The following CRADD variants were observed in gnomAD, a reference collection of about 807,000 sequenced individuals.
CRADD encodes the protein CARD and death domain containing adaptor protein.
Under a neutral mutation model 15.5 loss-of-function variants are expected in CRADD, and 9 were observed. That is an observed-to-expected ratio of 0.58 (90% confidence interval 0.35 to 1.01). CRADD has a LOEUF of 1.01. Among genes scored for constraint, CRADD ranks in the 50% least tolerant of loss-of-function variants. CRADD has a pLI of 0.02. For missense variants in CRADD, 227 were observed against 250.3 expected, an observed-to-expected ratio of 0.91 and a Z score of 0.63; for synonymous variants, 118 against 107.6, an observed-to-expected ratio of 1.10 and a Z score of -0.60.
At chr12:93,864,038 C>A (rs548929996) in intron 2 of CRADD, among the ~76,000 whole-genome samples, 1 of 152,112 alleles carries the variant, frequency 6.6e-6, no homozygotes, top group African/African-American at 2.4e-5. Flanking sequence ...GCTATGGCCA[C>A]ATGCCCAGTT....
At chr12:93,727,917 A>G (rs1285092188) in intron 2 of CRADD, among the ~76,000 whole-genome samples, 1 of 152,162 alleles carries the variant, frequency 6.6e-6, no homozygotes. Flanking sequence ...AGTCAGCTCT[A>G]TAGAAGTTTT....
intron 2 of CRADD, among the ~76,000 whole-genome samples, chr12:93,877,208 C>T (rs552665550): frequency 3.0e-4 from 45 of 152,298 alleles, no homozygotes; most frequent in African/African-American, 7.9e-4. Flanking sequence ...TGGGGTGTAG[C>T]GACACAAGAA....
intron 2 of CRADD, among the ~76,000 whole-genome samples, chr12:93,696,663 A>G (rs1204065236): frequency 6.6e-6 from 1 of 152,178 alleles, no homozygotes; most frequent in Non-Finnish European, 1.5e-5. Flanking sequence ...CTATTGTGCA[A>G]CATGATGACT....
At chr12:93,810,726 C>T (rs145135253) in intron 2 of CRADD, among the ~76,000 whole-genome samples, 1 of 152,246 alleles carries the variant, frequency 6.6e-6, no homozygotes, top group East Asian at 1.9e-4. Flanking sequence ...TAAGTCATTG[C>T]TAGGGCTGAG....
intron 2 of CRADD, among the ~76,000 whole-genome samples, chr12:93,845,503 C>T (rs947815880): frequency 2.6e-5 from 4 of 151,926 alleles, no homozygotes; most frequent in African/African-American, 9.7e-5. Context: ...TCACGAGGAT[C>T]AGTTGAGGCC....
At chr12:93,765,793 C>T (rs1957020717) in intron 2 of CRADD, among the ~76,000 whole-genome samples, 1 of 151,484 alleles carries the variant, frequency 6.6e-6, no homozygotes, top group Non-Finnish European at 1.5e-5. Flanking sequence ...GTTAGTGCCA[C>T]AGGTTTTAGA....
chr12:93,792,211 G>A (rs1204728309), intron 2 of CRADD, among the ~76,000 whole-genome samples: 1 of 152,120 alleles, frequency 6.6e-6, no homozygotes, highest in African/African-American at 2.4e-5. Context: ...AGTATTACAG[G>A]GGAGGACTCA....
intron 2 of CRADD, among the ~76,000 whole-genome samples, chr12:93,814,629 G>A (rs1161693798): frequency 3.9e-5 from 6 of 152,196 alleles, no homozygotes; most frequent in African/African-American, 1.2e-4. Flanking sequence ...GAGTGCCAGA[G>A]GAAGCTAGCC....
At chr12:93,699,772 A>G (rs184331284) in intron 2 of CRADD, among the ~76,000 whole-genome samples, 26 of 152,334 alleles carry the variant, frequency 1.7e-4, no homozygotes, top group Non-Finnish European at 3.1e-4. Context: ...TAAGGAATAT[A>G]ACATTTTAAG....
In CRADD at chr12:93,846,953, A is replaced by T. The variant is rs145317785; in HGVS notation, c.299-3017A>T. On this transcript the variant is annotated intron_variant, in intron 2 of 2. Transcript: ENST00000332896. The stretch of plus-strand genomic sequence containing the variant: ...ATCTCTACTAAAAATACAAAAAAAA[A>T]TTAGCCAGGCATGGTAGTAGGCACC... 3.6e-3 allele frequency among the ~76,000 whole-genome samples: 541 copies of T among 149,502 alleles called. 6 individuals are homozygous for T. The highest frequency in any genetic ancestry group is 0.013 in the African/African-American group (526 of 40,712).
intron 2 of CRADD, among the ~76,000 whole-genome samples, chr12:93,765,850 T>A (rs1273711456): frequency 6.6e-6 from 1 of 151,378 alleles, no homozygotes; most frequent in Non-Finnish European, 1.5e-5. Flanking sequence ...TTTATTAAGT[T>A]TTTTTTTTTC....
intron 2 of CRADD, among the ~76,000 whole-genome samples, chr12:93,873,621 G>A (rs961779134): frequency 2.0e-5 from 3 of 152,008 alleles, no homozygotes; most frequent in African/African-American, 7.2e-5. Context: ...TAATCATGAA[G>A]AGATGTTCAA....
chr12:93,708,653 A>G (rs1956001417), intron 2 of CRADD: 1 of 152,186 alleles, frequency 6.6e-6, no homozygotes. Flanking sequence ...ATTTATCTCC[A>G]TGAAGCCAGG....
intron 2 of CRADD, among the ~76,000 whole-genome samples, chr12:93,843,672 G>A (rs777273724): frequency 6.6e-6 from 1 of 150,676 alleles, no homozygotes; most frequent in Non-Finnish European, 1.5e-5. Flanking sequence ...GAGCCACCGT[G>A]CCCAGCCTAA....
At chr12:93,868,225 G>A (rs1371980761) in intron 2 of CRADD, among the ~76,000 whole-genome samples, 2 of 152,110 alleles carry the variant, frequency 1.3e-5, no homozygotes, top group Non-Finnish European at 2.9e-5. Flanking sequence ...TTGTAATAAC[G>A]AAAACTGAAC....
chr12:93,793,773 T>C (rs557646207), intron 2 of CRADD, among the ~76,000 whole-genome samples: 3 of 152,330 alleles, frequency 2.0e-5, no homozygotes, highest in Admixed American at 6.5e-5. Context: ...TTCATGATAC[T>C]GTTTTCTCTA....
intron 2 of CRADD, among the ~76,000 whole-genome samples, chr12:93,770,909 A>G (rs1957079798): frequency 6.6e-6 from 1 of 152,236 alleles, no homozygotes; most frequent in Non-Finnish European, 1.5e-5. Flanking sequence ...TGCTTTTACA[A>G]TCAAATCTCT....
chr12:93,715,935 A>G (rs972229899), intron 2 of CRADD, among the ~76,000 whole-genome samples: 3 of 152,122 alleles, frequency 2.0e-5, no homozygotes, highest in African/African-American at 7.2e-5. Context: ...TGAGGTCAGG[A>G]GTTCGAGATT....
intron 2 of CRADD, among the ~76,000 whole-genome samples, chr12:93,784,677 G>A (rs1292264659): frequency 6.6e-6 from 1 of 152,046 alleles, no homozygotes; most frequent in African/African-American, 2.4e-5. Flanking sequence ...TAAAGCACAC[G>A]TGGCAAATCT....
Sources: gnomAD v4.1 joint callset for allele counts (sites outside exome capture counted in the v4.1 genomes callset) on GRCh38, gnomAD v4.1.1 for gene constraint, MANE v1.5 for transcripts, NCBI Gene and HGNC (gene_info 2026-07-23, HGNC 2026-07-21) for gene names.